Variants in ROBO2 observed in about 807,000 individuals in gnomAD.
ROBO2 encodes roundabout guidance receptor 2, also known as roundabout homolog 2.
In ROBO2, 53 loss-of-function variants were observed where a neutral mutation model predicts 160.8. That is an observed-to-expected ratio of 0.33 (90% CI 0.26 to 0.41). The LOEUF is 0.41. Among genes scored for constraint, ROBO2 ranks in the 10% least tolerant of loss-of-function variants. The probability of loss-of-function intolerance (pLI) is 1.00; values close to 1 mark genes in which losing one functional copy is unlikely to be tolerated. For missense variants in ROBO2, 1,577 were observed against 1,722.4 expected (o/e 0.92, Z 1.49); for synonymous variants, 664 against 611.7 (o/e 1.09, Z -1.26).
At chr3:77,464,286 C>T (rs1363757723) in intron 2 of ROBO2, among the ~76,000 whole-genome samples, 1 of 152,142 alleles carries the variant, frequency 6.6e-6, no homozygotes, top group Non-Finnish European at 1.5e-5. Flanking sequence ...GCCTTCCTGC[C>T]AAATAGTAGT....
At chr3:77,627,625 T>C (rs1198441268) in intron 23 of ROBO2, among the ~76,000 whole-genome samples, 1 of 152,150 alleles carries the variant, frequency 6.6e-6, no homozygotes, top group Non-Finnish European at 1.5e-5. Context: ...TCAATATGTT[T>C]GAGTGAAAGA....
chr3:76,455,875 C>T lies in ROBO2; in HGVS notation c.109+518273C>T, dbSNP rs552892915. ...ATGTCATGTCTGGCTGTGGTGTACA[C>T]TATACCAATTCTATTTTGGATTGAT... On this transcript the variant is annotated intron_variant, in intron 2 of 26. Transcript: ENST00000487694. Among the ~76,000 whole-genome samples, 10 of 152,246 alleles carry T rather than the reference C, an allele frequency of 6.6e-5. No individual in the cohort carries two copies. In the South Asian group the frequency reaches 2.1e-3, roughly 32 times the overall value.
intron 2 of ROBO2, among the ~76,000 whole-genome samples, chr3:76,083,720 G>T (rs2068915969): frequency 6.6e-6 from 1 of 152,068 alleles, no homozygotes. Context: ...CTTGTTCTAT[G>T]TACTTATTTC....
At chr3:77,235,798 C>A (rs1365780344) in intron 2 of ROBO2, among the ~76,000 whole-genome samples, 1 of 152,166 alleles carries the variant, frequency 6.6e-6, no homozygotes, top group Non-Finnish European at 1.5e-5. Flanking sequence ...TTGAAGTTTA[C>A]AGTGAAATTG....
chr3:76,469,960 G>T (rs1013906678), intron 2 of ROBO2, among the ~76,000 whole-genome samples: 2 of 152,146 alleles, frequency 1.3e-5, no homozygotes, highest in African/African-American at 4.8e-5. Flanking sequence ...GAAAAAGGAA[G>T]AAGTAAAATA....
intron 2 of ROBO2, among the ~76,000 whole-genome samples, chr3:75,988,067 CTT>C (rs758744618): frequency 6.6e-6 from 1 of 151,934 alleles, no homozygotes; most frequent in African/African-American, 2.4e-5. Flanking sequence ...TATTCCTCCT[CTT>C]TAACTTTTTG....
intron 2 of ROBO2, chr3:76,434,873 T>C (rs2076598908): frequency 6.3e-7 from 1 of 1,587,734 alleles, no homozygotes; most frequent in African/African-American, 1.3e-5. Flanking sequence ...CTCAGAGTGG[T>C]CCAGTATGCA....
chr3:77,010,615 A>T (rs751444547), intron 2 of ROBO2, among the ~76,000 whole-genome samples: 1 of 151,738 alleles, frequency 6.6e-6, no homozygotes, highest in Non-Finnish European at 1.5e-5. Context: ...CAGGACCTTT[A>T]CCCGTGGTGT....
intron 2 of ROBO2, among the ~76,000 whole-genome samples, chr3:77,284,809 C>T (rs1051172831): frequency 2.0e-5 from 3 of 151,844 alleles, no homozygotes; most frequent in African/African-American, 7.3e-5. Flanking sequence ...TTGTAAAGGG[C>T]CAATTAAATT....
At chr3:77,142,203 T>A (rs2076760030) in intron 2 of ROBO2, among the ~76,000 whole-genome samples, 1 of 152,212 alleles carries the variant, frequency 6.6e-6, no homozygotes, top group Non-Finnish European at 1.5e-5. Context: ...TTTAGAGAGT[T>A]AAAGATGGAT....
chr3:77,233,578 T>C (rs1267219734), intron 2 of ROBO2, among the ~76,000 whole-genome samples: 1 of 152,218 alleles, frequency 6.6e-6, no homozygotes, highest in Non-Finnish European at 1.5e-5. Context: ...TGGGATTTAA[T>C]TGTATTTCAA....
chr3:76,572,875 T>C (rs1578240217), intron 2 of ROBO2, among the ~76,000 whole-genome samples: 1 of 152,276 alleles, frequency 6.6e-6, no homozygotes, highest in East Asian at 1.9e-4. Flanking sequence ...AACTGGGTTA[T>C]TCCTTAAACA....
At chr3:76,398,762 A>C (rs868676148) in intron 2 of ROBO2, among the ~76,000 whole-genome samples, 1 of 151,804 alleles carries the variant, frequency 6.6e-6, no homozygotes, top group Admixed American at 6.6e-5. Flanking sequence ...GGTTTAGTAT[A>C]TTCTATTAGT....
At chr3:77,113,299 C>T (rs1400376149) in intron 2 of ROBO2, among the ~76,000 whole-genome samples, 1 of 152,114 alleles carries the variant, frequency 6.6e-6, no homozygotes, top group Non-Finnish European at 1.5e-5. Context: ...GAGGAAAATG[C>T]TGTGTTTAAT....
chr3:77,175,335 T>C (rs559695421), intron 2 of ROBO2, among the ~76,000 whole-genome samples: 3 of 152,044 alleles, frequency 2.0e-5, no homozygotes, highest in Non-Finnish European at 4.4e-5. Context: ...AGTTTGGGTT[T>C]TTGGGTTTTT....
At chr3:77,554,742 A>G (rs2093049209) in intron 8 of ROBO2, among the ~76,000 whole-genome samples, 1 of 152,020 alleles carries the variant, frequency 6.6e-6, no homozygotes, top group South Asian at 2.1e-4. Context: ...GAACAAATGA[A>G]GAATTGCTTC....
intron 2 of ROBO2, among the ~76,000 whole-genome samples, chr3:76,567,763 CTGTGTGTGTGTGTGTG>C (rs71101900): frequency 2.3e-5 from 2 of 88,358 alleles, no homozygotes; most frequent in African/African-American, 4.4e-5. Flanking sequence ...ATATATCTGT[CTGTGTGTGTGTGTGTG>C]TGTGTGTGTG....
chr3:76,426,228 G>A (rs115436085), intron 2 of ROBO2, among the ~76,000 whole-genome samples: 199 of 152,270 alleles, frequency 1.3e-3, no homozygotes, highest in African/African-American at 4.7e-3. Context: ...TATTTGACTA[G>A]TACCACTTTG....
intron 1 of ROBO2, among the ~76,000 whole-genome samples, chr3:77,085,415 C>G (rs1274574379): frequency 1.3e-5 from 2 of 152,092 alleles, no homozygotes; most frequent in East Asian, 3.9e-4. Flanking sequence ...TATTTTATGT[C>G]ACAAATCTTA....
Sources: gnomAD v4.1 joint callset for allele counts (sites outside exome capture counted in the v4.1 genomes callset) on GRCh38, gnomAD v4.1.1 for gene constraint, MANE v1.5 for transcripts, NCBI Gene and HGNC (gene_info 2026-07-23, HGNC 2026-07-21) for gene names.